Variants in TTYH3 observed in about 807,000 individuals in gnomAD.
The protein encoded by TTYH3 is protein tweety homolog 3.
A neutral mutation model predicts 68.2 loss-of-function variants in TTYH3; 23 were observed. The ratio of observed to expected loss-of-function variants is 0.34; its 90% CI spans 0.24 to 0.48. The LOEUF is 0.48. Among genes scored for constraint, TTYH3 ranks in the 20% least tolerant of loss-of-function variants. The probability of loss-of-function intolerance (pLI) is 0.99; values close to 1 mark genes in which losing one functional copy is unlikely to be tolerated. For synonymous variants in TTYH3, 360 were observed against 332.8 expected (o/e 1.08, Z -0.89); for missense variants, 768 against 727.7 (o/e 1.06, Z -0.64).
intron 2 of TTYH3, 22 bp from the exon 3 acceptor site, chr7:2,647,120 C>A (rs760981879): frequency 1.3e-6 from 2 of 1,578,302 alleles, no homozygotes; most frequent in South Asian, 1.2e-5. Context: ...GGGGCTACAT[C>A]TCACGGGCCC....
At chr7:2,650,628 C>T (rs1448569332) in intron 7 of TTYH3, among the ~76,000 whole-genome samples, 5 of 151,724 alleles carry the variant, frequency 3.3e-5, no homozygotes, top group African/African-American at 9.7e-5. Flanking sequence ...CTAAGAGCCC[C>T]GAGGCAGGAG....
intron 1 of TTYH3, among the ~76,000 whole-genome samples, chr7:2,644,807 GC>G (rs1364313191): frequency 6.6e-6 from 1 of 152,198 alleles, no homozygotes; most frequent in Admixed American, 6.5e-5. Flanking sequence ...AGGTGGAAAG[GC>G]CGCCTTCGGG....
intron 1 of TTYH3, among the ~76,000 whole-genome samples, chr7:2,636,356 C>T (rs1013592717): frequency 2.6e-5 from 4 of 152,192 alleles, no homozygotes; most frequent in East Asian, 1.9e-4. Flanking sequence ...AAGGGAAGAG[C>T]GTGAGACAGA....
intron 8 of TTYH3, among the ~76,000 whole-genome samples, chr7:2,652,473 C>T (rs535663627): frequency 2.8e-4 from 42 of 152,292 alleles, no homozygotes; most frequent in East Asian, 1.2e-3. Context: ...TCAATGCACC[C>T]GCATCGCTGG....
At chr7:2,661,079 G>C (rs1488798071) in intron 13 of TTYH3, among the ~76,000 whole-genome samples, 2 of 152,172 alleles carry the variant, frequency 1.3e-5, no homozygotes, top group African/African-American at 4.8e-5. Flanking sequence ...CCACGGGAGG[G>C]GGGGCTGCAT....
rs376188455 is a variant in TTYH3, at chr7:2,649,568, G to T, written c.724G>T (p.Val242Phe). Residue 242 changes from valine to phenylalanine, a missense_variant and splice_region_variant, in exon 6 of 14, where the codon GTC (valine) becomes TTC (phenylalanine). Physicochemically the swap from Val to Phe is conservative, Grantham distance 50 (BLOSUM62 -1). Coordinates refer to ENST00000258796, the MANE Select transcript of TTYH3 (RefSeq NM_025250.3). ...IRSSKGILVG[V>F]CLLGVLALVI... Reference sequence around the variant, plus strand: ...GCTGACTGGCTGTCTCTGCCCCAGGGTCTGCCTGCTGGGAGTCCTGGCCCT... The same window carrying T: ...GCTGACTGGCTGTCTCTGCCCCAGGTTCTGCCTGCTGGGAGTCCTGGCCCT... The T allele has an allele frequency of 6.9e-6, 11 of 1,584,502 alleles. No homozygotes were observed. Among genetic ancestry groups the T allele is most frequent in the Middle Eastern group, 3.4e-4 (2 of 5,928 alleles).
At chr7:2,639,648 C>G (rs1785780119) in intron 1 of TTYH3, among the ~76,000 whole-genome samples, 1 of 152,224 alleles carries the variant, frequency 6.6e-6, no homozygotes, top group Admixed American at 6.5e-5. Flanking sequence ...GGACTCCGTC[C>G]CCATCCAGGA....
At chr7:2,651,449 G>T (rs1310879837) in intron 7 of TTYH3, among the ~76,000 whole-genome samples, 1 of 152,210 alleles carries the variant, frequency 6.6e-6, no homozygotes, top group African/African-American at 2.4e-5. Context: ...GGGGAGGGCT[G>T]GTGACCGCTC....
rs1786017394 is a variant in TTYH3 at position 2,647,203 on chromosome 7, A to G, written c.355A>G (p.Thr119Ala). 1.2e-6 allele frequency: 2 copies of G among 1,605,546 alleles called. No individual in the cohort carries two copies. The highest frequency in any genetic ancestry group is 1.7e-5 in the Admixed American group (1 of 59,320). ...GACCAGTGATGGCATCCATAGGGCCACCTACTCGCTCCGCCACGCCAACCG... is the reference window on the plus strand; with the variant it reads ...GACCAGTGATGGCATCCATAGGGCCGCCTACTCGCTCCGCCACGCCAACCG... Reference protein sequence around the residue: ...GETSDGIHRATYSLRHANRTV... With the variant: ...GETSDGIHRAAYSLRHANRTV... Residue 119 changes from threonine (T) to alanine (A), a missense_variant, in exon 3 of 14, where the codon ACC becomes GCC. Thr to Ala is a moderately conservative substitution (Grantham distance 58, BLOSUM62 0). Transcript: ENST00000258796.
chr7:2,649,563 C>A lies in TTYH3; in HGVS notation c.723-4C>A, dbSNP rs766552172. On this transcript the variant is annotated splice_region_variant and splice_polypyrimidine_tract_variant and intron_variant, in intron 5 of 13. Transcript: ENST00000258796. ...GGGCTGCTGACTGGCTGTCTCTGCC[C>A]CAGGGTCTGCCTGCTGGGAGTCCTG... 1.9e-6 allele frequency: 3 copies of A among 1,580,630 alleles called. No homozygotes were observed. Among genetic ancestry groups the A allele is most frequent in the South Asian group, 2.3e-5 (2 of 87,646 alleles).
At position 2,638,317 on chromosome 7, in the gene TTYH3, C is replaced by T. The variant is rs568534523; in HGVS notation, c.123+6039C>T. 3.9e-5 allele frequency among the ~76,000 whole-genome samples: 6 copies of T among 151,918 alleles called. No homozygotes were observed. In the South Asian group the frequency reaches 1.0e-3, roughly 26 times the overall value. On this transcript the variant is annotated intron_variant, in intron 1 of 13. Coordinates refer to ENST00000258796, the MANE Select transcript of TTYH3 (RefSeq NM_025250.3). The stretch of plus-strand genomic sequence containing the variant: ...CGGAGCACGGGGACCAAAATAGACA[C>T]GCTTGCTGCAGCTCTTTGGTGTCTG...
At position 2,652,191 on chromosome 7, in the gene TTYH3, C is replaced by G. The variant is rs775091880; in HGVS notation, c.876C>G (p.Ile292Met). The change falls in exon 8 of 14, where the codon ATC (isoleucine) becomes ATG (methionine). Residue 292 changes from isoleucine to methionine, a missense_variant. Transcript: ENST00000258796. ...VEEYSVLSGD[I>M]LQYYLACSPR... ...TTCCCTGATGTCTCTCCGCAGACATCCTGCAGTACTACCTGGCCTGCTCGC... is the reference window on the plus strand; with the variant it reads ...TTCCCTGATGTCTCTCCGCAGACATGCTGCAGTACTACCTGGCCTGCTCGC... The G allele has an allele frequency of 2.5e-6, 4 of 1,613,442 alleles. No homozygotes were observed. The highest frequency in any genetic ancestry group is 1.7e-4 in the Middle Eastern group (1 of 6,014).
At chr7:2,651,925 C>T (rs951103094) in intron 7 of TTYH3, among the ~76,000 whole-genome samples, 4 of 152,124 alleles carry the variant, frequency 2.6e-5, no homozygotes, top group Non-Finnish European at 5.9e-5. Flanking sequence ...AAGACATGTA[C>T]ACACAGACAT....
chr7:2,651,682 G>A (rs907121051), intron 7 of TTYH3, among the ~76,000 whole-genome samples: 2 of 152,270 alleles, frequency 1.3e-5, no homozygotes, highest in African/African-American at 2.4e-5. Context: ...GGCGGCCACA[G>A]TGATGCCTGG....
intron 11 of TTYH3, among the ~76,000 whole-genome samples, chr7:2,658,050 G>A (rs772672915): frequency 3.3e-5 from 5 of 152,216 alleles, no homozygotes; most frequent in Non-Finnish European, 5.9e-5. Flanking sequence ...TGCACAGGCC[G>A]CAGTACAGGG....
At chr7:2,656,820 G>C (rs1029816276) in intron 11 of TTYH3, among the ~76,000 whole-genome samples, 4 of 152,244 alleles carry the variant, frequency 2.6e-5, no homozygotes, top group Admixed American at 2.6e-4. Context: ...TGCCTCCCCA[G>C]ACTGGCTCTG....
intron 13 of TTYH3, chr7:2,659,926 C>T (rs1299381547): frequency 1.5e-6 from 2 of 1,302,302 alleles, no homozygotes; most frequent in East Asian, 1.1e-4. Context: ...CCCACCCACC[C>T]CGGGCCCTCC....
intron 9 of TTYH3, among the ~76,000 whole-genome samples, chr7:2,653,361 A>G (rs1431949683): frequency 7.9e-5 from 12 of 152,254 alleles, no homozygotes; most frequent in Admixed American, 7.9e-4. Flanking sequence ...ACGTTTAAAA[A>G]ATAACTTTAT....
At chr7:2,658,836 A>T (rs1041455203) in intron 12 of TTYH3, 104 bp from the exon 13 acceptor site, 2 of 1,076,296 alleles carry the variant, frequency 1.9e-6, no homozygotes, top group Admixed American at 3.8e-5. Context: ...GTGAGAATGG[A>T]TGTGCCCATC....
Sources: gnomAD v4.1 joint callset for allele counts (sites outside exome capture counted in the v4.1 genomes callset) on GRCh38, gnomAD v4.1.1 for gene constraint, MANE v1.5 for transcripts, NCBI Gene and HGNC (gene_info 2026-07-23, HGNC 2026-07-21) for gene names.